Variants in ITGA9 observed in about 807,000 individuals in gnomAD.
ITGA9 encodes integrin alpha-9.
A neutral mutation model predicts 127.8 loss-of-function variants in ITGA9; 56 were observed. That is an observed-to-expected ratio of 0.44 (90% CI 0.35 to 0.55). ITGA9 has a LOEUF of 0.55. Among genes scored for constraint, ITGA9 ranks in the 20% least tolerant of loss-of-function variants. ITGA9 has a pLI of 0.00. For synonymous variants in ITGA9, 508 were observed against 514.5 expected (o/e 0.99, Z 0.17); for missense variants, 1,196 against 1,347.1 (o/e 0.89, Z 1.76).
At chr3:37,774,211 C>G (rs913564347) in intron 23 of ITGA9, among the ~76,000 whole-genome samples, 2 of 152,188 alleles carry the variant, frequency 1.3e-5, no homozygotes, top group African/African-American at 4.8e-5. Flanking sequence ...GTATTGCTTT[C>G]TAAAATGGGC....
intron 18 of ITGA9, among the ~76,000 whole-genome samples, chr3:37,687,896 A>G (rs1700796551): frequency 6.6e-6 from 1 of 152,190 alleles, no homozygotes; most frequent in Non-Finnish European, 1.5e-5. Context: ...CAGGAAAGAG[A>G]GGAAAGACAG....
At chr3:37,636,277 A>T (rs932295959) in intron 16 of ITGA9, among the ~76,000 whole-genome samples, 2 of 152,092 alleles carry the variant, frequency 1.3e-5, no homozygotes, top group Non-Finnish European at 2.9e-5. Context: ...ATTTCTCCAC[A>T]TCCTCTCCAG....
chr3:37,621,556 C>T lies in ITGA9; in HGVS notation c.1690-7631C>T, dbSNP rs73068696. On this transcript the variant is annotated intron_variant, in intron 15 of 27. Coordinates refer to ENST00000264741, the MANE Select transcript of ITGA9 (RefSeq NM_002207.3). ...ATCCAGTTCCTACAGCCACAGTTAACACCCCAGCCCCCGACACACACACAG... is the reference window on the plus strand; with the variant it reads ...ATCCAGTTCCTACAGCCACAGTTAATACCCCAGCCCCCGACACACACACAG... Among the ~76,000 whole-genome samples the T allele has an allele frequency of 3.0e-3, 457 of 152,310 alleles. 2 individuals are homozygous for T. The highest frequency in any genetic ancestry group is 5.2e-3 in the Non-Finnish European group (357 of 68,010).
intron 18 of ITGA9, among the ~76,000 whole-genome samples, chr3:37,723,777 C>T (rs187803201): frequency 5.9e-4 from 90 of 152,334 alleles, no homozygotes; most frequent in Admixed American, 3.2e-3. Flanking sequence ...TAGAACAGGG[C>T]GTGATATAGG....
At chr3:37,665,568 C>T (rs181626665) in intron 17 of ITGA9, among the ~76,000 whole-genome samples, 208 of 152,146 alleles carry the variant, frequency 1.4e-3, no homozygotes, top group African/African-American at 4.7e-3. Context: ...TCCTGCCTCA[C>T]TCAGCCTCCT....
In ITGA9 at chr3:37,452,584, C is replaced by G; in HGVS notation, c.185+25C>G. On this transcript the variant is annotated intron_variant, in intron 1 of 27. Coordinates refer to ENST00000264741, the MANE Select transcript of ITGA9 (RefSeq NM_002207.3). The surrounding 1 kb of genome is among the most constrained non-coding windows in gnomAD (Gnocchi z 7.3). ...GGTGAGTGCCCGCCCGACTCCGCGA[C>G]CCTGGCCCGCGCGGCCACCGCCCCG... is the stretch of plus-strand genomic sequence containing the variant. The G allele has an allele frequency of 6.7e-7, 1 of 1,489,360 alleles. No individual in the cohort carries two copies. Among genetic ancestry groups the G allele is most frequent in the Non-Finnish European group, 8.9e-7 (1 of 1,117,540 alleles). The allele number at this position is 1,489,360 out of a possible 1,614,324, so 92.3% of individuals were successfully genotyped here.
intron 15 of ITGA9, among the ~76,000 whole-genome samples, chr3:37,617,950 C>T (rs1387570155): frequency 6.6e-6 from 1 of 152,204 alleles, no homozygotes; most frequent in Non-Finnish European, 1.5e-5. Context: ...CTGAAGCCTT[C>T]TTCTCTGAAC....
chr3:37,688,703 C>G (rs1700802979), intron 18 of ITGA9, among the ~76,000 whole-genome samples: 1 of 152,168 alleles, frequency 6.6e-6, no homozygotes, highest in Non-Finnish European at 1.5e-5. Context: ...CACCCCCACC[C>G]CCCATTTTTG....
At chr3:37,514,845 C>T (rs1032538362) in intron 9 of ITGA9, among the ~76,000 whole-genome samples, 4 of 152,070 alleles carry the variant, frequency 2.6e-5, no homozygotes, top group Non-Finnish European at 5.9e-5. Flanking sequence ...GGATTACAGA[C>T]GTGAGCCACC....
intron 23 of ITGA9, among the ~76,000 whole-genome samples, chr3:37,764,641 T>A (rs1575227316): frequency 6.6e-6 from 1 of 152,268 alleles, no homozygotes; most frequent in East Asian, 1.9e-4. Flanking sequence ...GGCTCTCACT[T>A]TGTACTTCCC....
At chr3:37,748,579 C>A (rs1696537751) in intron 22 of ITGA9, 4 of 462,038 alleles carry the variant, frequency 8.7e-6, no homozygotes, top group Non-Finnish European at 1.6e-5. Flanking sequence ...GAAATCCCGT[C>A]TCTACTAAAA....
chr3:37,593,428 C>T (rs1699839670), intron 15 of ITGA9, among the ~76,000 whole-genome samples: 1 of 152,204 alleles, frequency 6.6e-6, no homozygotes, highest in African/African-American at 2.4e-5. Context: ...GGTTACACAA[C>T]AGAAATTAAT....
intron 2 of ITGA9, among the ~76,000 whole-genome samples, chr3:37,472,423 G>C (rs1050927688): frequency 2.0e-5 from 3 of 152,150 alleles, no homozygotes; most frequent in African/African-American, 7.2e-5. Flanking sequence ...TTTTGAGACA[G>C]AGTCTTGCTG....
At chr3:37,639,915 A>G (rs1700315972) in intron 16 of ITGA9, among the ~76,000 whole-genome samples, 3 of 152,168 alleles carry the variant, frequency 2.0e-5, no homozygotes, top group Admixed American at 2.0e-4. Context: ...GGTCACCTGA[A>G]GGTCCTTTAT....
chr3:37,748,192 G>A lies in ITGA9; in HGVS notation c.2434-2270G>A, dbSNP rs114750653. On this transcript the variant is annotated intron_variant, in intron 22 of 27. Coordinates refer to ENST00000264741, the MANE Select transcript of ITGA9 (RefSeq NM_002207.3). ...TAGAAAACATGGAGTTGTTTTTTTG[G>A]CCACGTGTATGCAAATCTATAAGAA... The A allele has an allele frequency of 8.5e-3, 3,889 of 456,014 alleles. 38 individuals are homozygous for A. Among genetic ancestry groups the A allele is most frequent in the Non-Finnish European group, 0.014 (3,234 of 236,024 alleles). 28.2% of individuals were successfully genotyped at this position (456,014 alleles called of 1,614,324 possible). A position where few individuals can be genotyped will look rare whatever the true frequency, so the allele number is the denominator to read the frequency against.
chr3:37,628,076 T>C (rs1700193605), intron 15 of ITGA9, among the ~76,000 whole-genome samples: 1 of 151,904 alleles, frequency 6.6e-6, no homozygotes, highest in East Asian at 1.9e-4. Flanking sequence ...ACACAGAGAG[T>C]AGTATGAAGT....
intron 15 of ITGA9, among the ~76,000 whole-genome samples, chr3:37,567,768 A>T (rs1575152677): frequency 6.6e-6 from 1 of 152,314 alleles, no homozygotes; most frequent in South Asian, 2.1e-4. Flanking sequence ...TTCATGTCTC[A>T]CATCTGGGTC....
chr3:37,556,850 C>T (rs28677970), intron 15 of ITGA9, among the ~76,000 whole-genome samples: 5,490 of 152,290 alleles, frequency 0.036, 313 homozygotes, highest in African/African-American at 0.12. Context: ...TCATCAACAA[C>T]GTGGGGCCAG....
At chr3:37,545,883 C>T (rs1470448482) in intron 15 of ITGA9, among the ~76,000 whole-genome samples, 1 of 152,184 alleles carries the variant, frequency 6.6e-6, no homozygotes, top group Admixed American at 6.5e-5. Flanking sequence ...CATGACCTGC[C>T]CCTTTCCTCC....
Sources: allele counts gnomAD v4.1 joint callset (sites outside exome capture counted in the v4.1 genomes callset), GRCh38; gene constraint gnomAD v4.1.1; non-coding constraint Gnocchi (gnomAD v3.1); transcripts MANE v1.5; gene names NCBI Gene and HGNC (gene_info 2026-07-23, HGNC 2026-07-21).